DLGAP2: variants seen among roughly 807,000 people sequenced by gnomAD.
DLGAP2 encodes disks large-associated protein 2.
In DLGAP2, 26 loss-of-function variants were observed where a neutral mutation model predicts 100.3. That is an observed-to-expected ratio of 0.26 (90% confidence interval 0.19 to 0.36). The LOEUF is 0.36. DLGAP2 is among the 10% of genes least tolerant of loss of function. DLGAP2 has a pLI of 1.00. For missense variants in DLGAP2, 1,858 were observed against 1,453.2 expected (o/e 1.28, Z -4.53); for synonymous variants, 886 against 630.1 (o/e 1.41, Z -6.08).
intron 2 of DLGAP2, among the ~76,000 whole-genome samples, chr8:1,198,274 T>C (rs1436497472): frequency 6.6e-6 from 1 of 152,114 alleles, no homozygotes; most frequent in African/African-American, 2.4e-5. Flanking sequence ...AAGGGACTTT[T>C]GTAAGCTTCA....
At chr8:1,040,177 G>A (rs1418282119) in intron 2 of DLGAP2, among the ~76,000 whole-genome samples, 11 of 137,234 alleles carry the variant, frequency 8.0e-5, no homozygotes, top group Non-Finnish European at 1.4e-4. Flanking sequence ...TTGTCAGCTC[G>A]GTTTCCATGG....
At chr8:926,577 C>T (rs978114525) in intron 2 of DLGAP2, among the ~76,000 whole-genome samples, 3 of 152,234 alleles carry the variant, frequency 2.0e-5, no homozygotes, top group African/African-American at 7.2e-5. Context: ...GGGCTCTGCT[C>T]CTGCTGGGAG....
rs1315167630 is a variant in DLGAP2 at position 1,221,475 on chromosome 8, C to G, written c.74-37376C>G. Among the ~76,000 whole-genome samples the G allele has an allele frequency of 2.6e-5, 4 of 152,280 alleles. No individual in the cohort carries two copies. The East Asian group carries it at 7.7e-4, about 29-fold the overall frequency. ...TGTCTGCTGAAAGGTCCACTGTTAG[C>G]CTGATGGGGTTCCCTTGGTACATGA... is the stretch of plus-strand genomic sequence containing the variant. On this transcript the variant is annotated intron_variant, in intron 2 of 14. Coordinates refer to ENST00000637795, the MANE Select transcript of DLGAP2 (RefSeq NM_001346810.2).
At chr8:928,902 G>A (rs928246762) in intron 2 of DLGAP2, among the ~76,000 whole-genome samples, 12 of 151,788 alleles carry the variant, frequency 7.9e-5, no homozygotes, top group Admixed American at 6.6e-4. Context: ...AGGGTGGGCC[G>A]GACGGCTTTT....
chr8:1,195,773 A>G (rs547624877), intron 2 of DLGAP2, among the ~76,000 whole-genome samples: 1 of 152,340 alleles, frequency 6.6e-6, no homozygotes, highest in East Asian at 1.9e-4. Flanking sequence ...TTGCTCACCC[A>G]GGAGCTGACC....
chr8:1,295,867 C>G (rs2116979672), intron 3 of DLGAP2, among the ~76,000 whole-genome samples: 1 of 152,222 alleles, frequency 6.6e-6, no homozygotes, highest in Non-Finnish European at 1.5e-5. Flanking sequence ...TGGCACCTGC[C>G]TGGGAATTGG....
intron 2 of DLGAP2, among the ~76,000 whole-genome samples, chr8:976,291 T>G (rs974871829): frequency 4.6e-5 from 7 of 152,014 alleles, no homozygotes; most frequent in Middle Eastern, 3.2e-3. Flanking sequence ...AATCGGCCAA[T>G]AGAACACAAT....
Position 1,515,703 on chromosome 8 carries a change from GAC to G in DLGAP2, c.172+14278_172+14279del, listed in dbSNP as rs535431775. On this transcript the variant is annotated intron_variant, in intron 4 of 14. Transcript: ENST00000637795. ...CACACACAACATGCACAAATATGCA[GAC>G]ACACAAACACATGCACAGATAGGCA... Among the ~76,000 whole-genome samples, 243 of 152,150 alleles carry G rather than the reference GAC, an allele frequency of 1.6e-3. 3 individuals carry two copies. The highest frequency in any genetic ancestry group is 0.01 in the Middle Eastern group (3 of 294).
intron 4 of DLGAP2, among the ~76,000 whole-genome samples, chr8:1,528,903 A>G (rs1800886867): frequency 6.6e-6 from 1 of 152,210 alleles, no homozygotes; most frequent in South Asian, 2.1e-4. Flanking sequence ...GGAAACAGTA[A>G]AAGCCTTTCT....
chr8:1,071,029 C>A (rs1222624020), intron 2 of DLGAP2, among the ~76,000 whole-genome samples: 1 of 152,154 alleles, frequency 6.6e-6, no homozygotes, highest in South Asian at 2.1e-4. Flanking sequence ...GATTCAGCGC[C>A]GGCACCTCAC....
chr8:1,070,813 T>A (rs1382927846), intron 2 of DLGAP2, among the ~76,000 whole-genome samples: 1 of 152,156 alleles, frequency 6.6e-6, no homozygotes, highest in Non-Finnish European at 1.5e-5. Context: ...AGAGAGGCCG[T>A]CTGCGTATTC....
chr8:999,055 A>G lies in DLGAP2; in HGVS notation c.73+91089A>G, dbSNP rs190495945. ...CCATACCAGGTTAGCTTCTTCCTCC[A>G]TGCTGTGCCTATGTGATTGATCATG... On this transcript the variant is annotated intron_variant, in intron 2 of 14. Coordinates refer to ENST00000637795, the MANE Select transcript of DLGAP2 (RefSeq NM_001346810.2). Among the ~76,000 whole-genome samples, 72 of 152,324 alleles carry G rather than the reference A, an allele frequency of 4.7e-4. 1 individual carries two copies. Among genetic ancestry groups the G allele is most frequent in the African/African-American group, 1.6e-3 (67 of 41,576 alleles).
At chr8:747,088 G>T (rs530412580) in intron 1 of DLGAP2, among the ~76,000 whole-genome samples, 113 of 152,050 alleles carry the variant, frequency 7.4e-4, no homozygotes, top group African/African-American at 2.6e-3. Context: ...AGCTGTCCTG[G>T]TTCTCGGGGG....
At chr8:1,194,324 TG>T (rs1797704556) in intron 2 of DLGAP2, among the ~76,000 whole-genome samples, 1 of 152,042 alleles carries the variant, frequency 6.6e-6, no homozygotes. Flanking sequence ...GCGTCCCGGC[TG>T]GTGGAGGGAG....
intron 2 of DLGAP2, among the ~76,000 whole-genome samples, chr8:1,242,259 G>A (rs1403109193): frequency 2.6e-5 from 4 of 152,150 alleles, no homozygotes; most frequent in Non-Finnish European, 5.9e-5. Context: ...AGGGGAGGTC[G>A]GGGGAAAGGG....
intron 1 of DLGAP2, among the ~76,000 whole-genome samples, chr8:853,815 T>C (rs1194226989): frequency 1.3e-5 from 2 of 152,166 alleles, no homozygotes; most frequent in African/African-American, 4.8e-5. Flanking sequence ...GTTTTCTCTT[T>C]ATGTTGATTC....
intron 3 of DLGAP2, among the ~76,000 whole-genome samples, chr8:1,432,410 T>G (rs7002299): frequency 0.21 from 32,268 of 152,090 alleles, 3,809 homozygotes; most frequent in Middle Eastern, 0.29. Flanking sequence ...AATCTGGGGA[T>G]TAGCCCAACC....
chr8:1,010,098 C>G (rs965996022), intron 2 of DLGAP2, among the ~76,000 whole-genome samples: 2 of 152,214 alleles, frequency 1.3e-5, no homozygotes, highest in Non-Finnish European at 2.9e-5. Context: ...CTTCAACAAA[C>G]TAAAGATTTT....
At chr8:1,219,521 T>A (rs1584696) in intron 2 of DLGAP2, among the ~76,000 whole-genome samples, 1 of 152,004 alleles carries the variant, frequency 6.6e-6, no homozygotes, top group African/African-American at 2.4e-5. Context: ...GATTTGTTAG[T>A]ATTTTGCTGA....
Sources: gnomAD v4.1 joint callset for allele counts (sites outside exome capture counted in the v4.1 genomes callset) on GRCh38, gnomAD v4.1.1 for gene constraint, MANE v1.5 for transcripts, NCBI Gene and HGNC (gene_info 2026-07-23, HGNC 2026-07-21) for gene names.